The following CD36 variants were observed in gnomAD, a reference collection of about 807,000 sequenced individuals.
The protein encoded by CD36 is platelet glycoprotein 4.
CD36 carries 119 observed loss-of-function variants against 55.2 expected under a neutral mutation model. The ratio of observed to expected loss-of-function variants is 2.15; its 90% CI spans 1.86 to 2.51. The LOEUF is 2.51. Among genes scored for constraint, CD36 ranks in the 30% most tolerant of loss-of-function variants. CD36 has a pLI of 0.00. For missense variants in CD36, 819 were observed against 555.5 expected (o/e 1.47, Z -4.77); for synonymous variants, 186 against 193.6 (o/e 0.96, Z 0.33).
At chr7:80,664,902 T>C (rs1405452672) in intron 7 of CD36, among the ~76,000 whole-genome samples, 2 of 151,584 alleles carry the variant, frequency 1.3e-5, no homozygotes, top group Non-Finnish European at 2.9e-5. Context: ...GATGGAAACT[T>C]TTTTTTTACT....
intron 12 of CD36, 43 bp from the exon 13 acceptor site, chr7:80,673,312 T>C (rs1225007976): frequency 8.1e-6 from 7 of 867,538 alleles, no homozygotes; most frequent in Admixed American, 2.0e-5. Context: ...TATATATAAA[T>C]ATTAGTTTAT....
At chr7:80,630,107 C>T (rs1409678265) in intron 1 of CD36, among the ~76,000 whole-genome samples, 4 of 151,956 alleles carry the variant, frequency 2.6e-5, no homozygotes, top group Non-Finnish European at 4.4e-5. Flanking sequence ...ATATTTAATA[C>T]TTAGGGTGCT....
chr7:80,652,915 GATAA>G lies in CD36; in HGVS notation c.121-3621_121-3618del, dbSNP rs555217902. 2.2e-3 allele frequency among the ~76,000 whole-genome samples: 328 copies of G among 152,110 alleles called. 2 individuals are homozygous for G. Among genetic ancestry groups the G allele is most frequent in the South Asian group, 0.014 (67 of 4,810 alleles). On this transcript the variant is annotated intron_variant, in intron 3 of 14. Transcript: ENST00000447544. ...ATTGATCCCCATAACAACCTATGAG[GATAA>G]ATATTTAAGCCACATGAAAATGCCA...
In CD36 at chr7:80,646,754, G is replaced by A. The variant is rs13306227; in HGVS notation, c.14G>A (p.Arg5Gln). MGCD[R>Q]NCGLIAGAVI... ...TGAACAAGAAAAATGGGCTGTGACC[G>A]GAACTGTGGGCTCATCGCTGGGGCT... Residue 5 changes from arginine (R) to glutamine (Q), a missense_variant, in exon 3 of 15, where the codon CGG becomes CAG. Transcript: ENST00000447544. The A allele has an allele frequency of 7.4e-6, 12 of 1,613,838 alleles. No individual in the cohort carries two copies. Among genetic ancestry groups the A allele is most frequent in the South Asian group, 6.6e-5 (6 of 91,076 alleles).
chr7:80,615,773 G>T (rs114067326), intron 1 of CD36, among the ~76,000 whole-genome samples: 1 of 152,052 alleles, frequency 6.6e-6, no homozygotes, highest in African/African-American at 2.4e-5. Context: ...ATTCTAAGGC[G>T]GGAAGCTTCA....
chr7:80,611,868 G>C (rs748196470), intron 1 of CD36, among the ~76,000 whole-genome samples: 9 of 152,202 alleles, frequency 5.9e-5, no homozygotes, highest in Non-Finnish European at 1.2e-4. Context: ...GGAATGTGTA[G>C]TATCTGTGGC....
chr7:80,614,734 G>A (rs76421960), intron 1 of CD36, among the ~76,000 whole-genome samples: 10,107 of 152,192 alleles, frequency 0.066, 449 homozygotes, highest in Non-Finnish European at 0.099. Context: ...AATGTGAAGT[G>A]GGAAATTGGG....
In CD36 at chr7:80,605,411, A is replaced by C. The variant is rs181757476; in HGVS notation, c.-184+3032A>C. On this transcript the variant is annotated intron_variant, in intron 1 of 13. Transcript: ENST00000309881. ...AACAAAAACTGTTAGTTAATGGTGA[A>C]AGCATATTCATCATTTTATGGACAC... Among the ~76,000 whole-genome samples the C allele has an allele frequency of 9.8e-4, 149 of 152,258 alleles. 1 individual carries two copies. Among genetic ancestry groups the C allele is most frequent in the Non-Finnish European group, 1.7e-3 (114 of 68,020 alleles).
intron 3 of CD36, among the ~76,000 whole-genome samples, chr7:80,649,666 T>C (rs1227076390): frequency 6.6e-6 from 1 of 152,100 alleles, no homozygotes; most frequent in Non-Finnish European, 1.5e-5. Flanking sequence ...AACATCAGTC[T>C]GTGTTTCAAA....
At chr7:80,604,138 G>C (rs1169233656) in intron 1 of CD36, among the ~76,000 whole-genome samples, 1 of 151,884 alleles carries the variant, frequency 6.6e-6, no homozygotes, top group Non-Finnish European at 1.5e-5. Context: ...CTAGAGGAGG[G>C]GAATGAGGTT....
intron 1 of CD36, among the ~76,000 whole-genome samples, chr7:80,614,520 A>G (rs180783587): frequency 2.0e-5 from 3 of 152,296 alleles, no homozygotes; most frequent in Admixed American, 1.3e-4. Context: ...ACTCCAGAAT[A>G]AAAATGAAAT....
At chr7:80,626,637 T>G (rs896029372) in intron 1 of CD36, among the ~76,000 whole-genome samples, 2 of 152,134 alleles carry the variant, frequency 1.3e-5, no homozygotes, top group Admixed American at 1.3e-4. Context: ...TATATAATTG[T>G]AAGATTTTAC....
At position 80,672,854 on chromosome 7, in the gene CD36, TG is replaced by T. The variant is rs1235100272; in HGVS notation, c.1199+12del. ...ATCAGAAAAAATTCAGTGAGTCTCTTGAAAATGGTTATTTTGATATGATCTG... is the reference window on the plus strand; with the variant it reads ...ATCAGAAAAAATTCAGTGAGTCTCTTAAAATGGTTATTTTGATATGATCTG... On this transcript the variant is annotated intron_variant, in intron 12 of 14. Coordinates refer to ENST00000447544, the MANE Select transcript of CD36 (RefSeq NM_001001548.3). The T allele has an allele frequency of 6.3e-7, 1 of 1,581,536 alleles. No homozygotes were observed. The highest frequency in any genetic ancestry group is 1.7e-5 in the Admixed American group (1 of 59,698).
chr7:80,659,272 A>G (rs766231344), intron 4 of CD36, among the ~76,000 whole-genome samples: 3 of 152,170 alleles, frequency 2.0e-5, no homozygotes, highest in Non-Finnish European at 4.4e-5. Context: ...GTCCCTCCTC[A>G]AACAGAACCA....
intron 4 of CD36, among the ~76,000 whole-genome samples, chr7:80,659,629 C>G (rs535793181): frequency 2.4e-3 from 366 of 151,888 alleles, no homozygotes; most frequent in African/African-American, 7.8e-3. Context: ...AAAGGCAGGG[C>G]TGTTTTAAGG....
chr7:80,630,290 A>C (rs1794002753), intron 1 of CD36, among the ~76,000 whole-genome samples: 1 of 152,022 alleles, frequency 6.6e-6, no homozygotes, highest in Non-Finnish European at 1.5e-5. Context: ...AAAGGAGTAG[A>C]AGAGCTAATG....
Position 80,676,668 on chromosome 7 carries a change from G to C in CD36, c.*285G>C, listed in dbSNP as rs1393198326. The C allele has an allele frequency of 1.3e-5, 2 of 152,126 alleles. No individual in the cohort carries two copies. Among genetic ancestry groups the C allele is most frequent in the Non-Finnish European group, 2.9e-5 (2 of 68,024 alleles). The allele number at this position is 152,126 out of a possible 1,614,324, so 9.4% of individuals were successfully genotyped here. ...CTCTATGAATACCTTCATACAGCAG[G>C]TATAACTCTTTTCTTTATGGGCTTA... On this transcript the variant is annotated 3_prime_UTR_variant, in exon 15 of 15. Coordinates refer to ENST00000447544, the MANE Select transcript of CD36 (RefSeq NM_001001548.3).
At chr7:80,638,104 CT>C (rs1008349725), upstream of CD36, among the ~76,000 whole-genome samples, 4 of 151,798 alleles carry the variant, frequency 2.6e-5, no homozygotes, top group Non-Finnish European at 5.9e-5. Flanking sequence ...AGGCTGTTTC[CT>C]TTTTTTAAGT....
intron 1 of CD36, among the ~76,000 whole-genome samples, chr7:80,603,657 T>C (rs1194179): frequency 0.53 from 80,386 of 151,546 alleles, 22,397 homozygotes; most frequent in South Asian, 0.71. Context: ...AGGATAATGA[T>C]AACTGTGTAA....
Sources: allele counts gnomAD v4.1 joint callset (sites outside exome capture counted in the v4.1 genomes callset), GRCh38; gene constraint gnomAD v4.1.1; transcripts MANE v1.5; gene names NCBI Gene and HGNC (gene_info 2026-07-23, HGNC 2026-07-21).